Variants in EXT1 observed in about 807,000 individuals in gnomAD.
The protein encoded by EXT1 is exostosin glycosyltransferase 1.
EXT1 carries 20 observed loss-of-function variants against 82.5 expected under a neutral mutation model. The ratio of observed to expected loss-of-function variants is 0.24; its 90% CI spans 0.17 to 0.35. The LOEUF (loss-of-function observed/expected upper bound fraction) is 0.35. Ranked by LOEUF, EXT1 falls within the 10% of genes least tolerant of loss-of-function variation. The pLI, the probability that EXT1 is intolerant of heterozygous loss-of-function variation, is 1.00. For missense variants in EXT1, 757 were observed against 936.5 expected, an observed-to-expected ratio of 0.81 and a Z score of 2.50; for synonymous variants, 348 against 350.8, an observed-to-expected ratio of 0.99 and a Z score of 0.09.
intron 1 of EXT1, among the ~76,000 whole-genome samples, chr8:118,089,280 G>GA (rs1817481133): frequency 1.3e-5 from 2 of 152,046 alleles, no homozygotes; most frequent in South Asian, 4.1e-4. Context: ...TGAATATACA[G>GA]AAAAAGACTA....
chr8:118,011,779 A>C (rs1428398505), intron 1 of EXT1, among the ~76,000 whole-genome samples: 2 of 152,184 alleles, frequency 1.3e-5, no homozygotes, highest in Non-Finnish European at 2.9e-5. Context: ...TGTCTCCATG[A>C]CAAGCCGTTA....
intron 1 of EXT1, among the ~76,000 whole-genome samples, chr8:118,030,846 T>C (rs1449735514): frequency 6.6e-6 from 1 of 152,148 alleles, no homozygotes; most frequent in Non-Finnish European, 1.5e-5. Context: ...TTCCTGCTTT[T>C]CCCCTTCCAA....
intron 1 of EXT1, among the ~76,000 whole-genome samples, chr8:118,043,201 G>A (rs901798396): frequency 1.5e-4 from 23 of 152,142 alleles, no homozygotes; most frequent in African/African-American, 5.6e-4. Flanking sequence ...TCAGTTCTTT[G>A]AAGTGTGAAG....
intron 1 of EXT1, among the ~76,000 whole-genome samples, chr8:118,071,513 G>C (rs958364191): frequency 2.7e-5 from 4 of 149,208 alleles, no homozygotes; most frequent in African/African-American, 9.9e-5. Flanking sequence ...GATTACCATC[G>C]CAAAAGTAGT....
chr8:118,033,087 C>A (rs186384818), intron 1 of EXT1, among the ~76,000 whole-genome samples: 17 of 152,302 alleles, frequency 1.1e-4, no homozygotes, highest in Non-Finnish European at 1.8e-4. Flanking sequence ...CATTGCAATG[C>A]GCTAAATATG....
intron 6 of EXT1, among the ~76,000 whole-genome samples, chr8:117,819,268 C>T (rs1182494151): frequency 2.0e-5 from 3 of 152,176 alleles, no homozygotes; most frequent in Admixed American, 2.0e-4. Flanking sequence ...GAAAAGTTGA[C>T]ACTTCATGAC....
chr8:117,813,437 G>A (rs906519016), intron 7 of EXT1, among the ~76,000 whole-genome samples: 31 of 152,194 alleles, frequency 2.0e-4, no homozygotes, highest in African/African-American at 7.0e-4. Flanking sequence ...GGCAGATGCA[G>A]AGGCACTGAG....
chr8:117,946,144 C>T (rs779721657), intron 1 of EXT1, among the ~76,000 whole-genome samples: 2 of 152,178 alleles, frequency 1.3e-5, no homozygotes, highest in Admixed American at 1.3e-4. Context: ...GGTAATCTGC[C>T]CGCCTCGGCA....
intron 1 of EXT1, among the ~76,000 whole-genome samples, chr8:118,016,715 C>T (rs914222831): frequency 6.6e-6 from 1 of 152,202 alleles, no homozygotes; most frequent in Non-Finnish European, 1.5e-5. Flanking sequence ...GCAGAATGAA[C>T]AAGAAGCATG....
chr8:117,858,758 A>AGGCAGGCAGGCAGGC (rs1563581987), intron 1 of EXT1, among the ~76,000 whole-genome samples: 49 of 54,854 alleles, frequency 8.9e-4, no homozygotes, highest in Middle Eastern at 8.8e-3. Context: ...GGAAGGAAGG[A>AGGCAGGCAGGCAGGC]AGGAAGGAAG....
chr8:117,799,783 G>A lies in EXT1; in HGVS notation c.2170C>T (p.Leu724Phe). ...YMPLIHSQMR[L>F]DPVLFKDQVS... is the part of the protein sequence containing the mutation. ...TGGTCTTTAAAGAGGACGGGGTCGA[G>A]CCTCATCTGAGAGTGGATCAGCGGC... Residue 724 changes from leucine (L) to phenylalanine (F), a missense_variant, in exon 11 of 11, where the codon CTC (leucine) becomes TTC (phenylalanine). Around this residue, in one of 4 missense-constraint regions of EXT1, gnomAD observed 128 missense variants for 223.2 expected, o/e 0.57. Coordinates refer to ENST00000378204, the MANE Select transcript of EXT1 (RefSeq NM_000127.3). 7 of 1,614,176 alleles carry A rather than the reference G, an allele frequency of 4.3e-6. No homozygotes were observed. Among genetic ancestry groups the A allele is most frequent in the Non-Finnish European group, 5.1e-6 (6 of 1,180,036 alleles).
intron 1 of EXT1, among the ~76,000 whole-genome samples, chr8:118,101,665 G>C (rs1817720568): frequency 6.6e-6 from 1 of 152,226 alleles, no homozygotes; most frequent in Admixed American, 6.5e-5. Flanking sequence ...GGAGGATTTT[G>C]GCTGGAGAAA....
At chr8:117,846,446 A>G (rs1350045695) in intron 1 of EXT1, among the ~76,000 whole-genome samples, 1 of 151,774 alleles carries the variant, frequency 6.6e-6, no homozygotes, top group Non-Finnish European at 1.5e-5. Flanking sequence ...CACTTCCAAA[A>G]CTCTTCTCAG....
chr8:118,062,741 A>G (rs1229806786), intron 1 of EXT1, among the ~76,000 whole-genome samples: 2 of 152,222 alleles, frequency 1.3e-5, no homozygotes, highest in African/African-American at 2.4e-5. Flanking sequence ...GCTTTTAAAC[A>G]GGAAACTGGC....
rs775296591 is a variant in EXT1, at chr8:118,111,068, G to A, written c.-22C>T. 162 of 1,573,070 alleles carry A rather than the reference G, an allele frequency of 1.0e-4. No homozygotes were observed. The highest frequency in any genetic ancestry group is 1.4e-4 in the Non-Finnish European group (161 of 1,166,240). ...GCATGTGTCCTGCCTGGGTCAAGAG[G>A]ATTGTAAATAAACACAAGAATCACC... is the stretch of plus-strand genomic sequence containing the variant. On this transcript the variant is annotated 5_prime_UTR_variant, in exon 1 of 11. Coordinates refer to ENST00000378204, the MANE Select transcript of EXT1 (RefSeq NM_000127.3).
intron 1 of EXT1, among the ~76,000 whole-genome samples, chr8:118,026,398 C>G (rs1816202678): frequency 6.6e-6 from 1 of 152,108 alleles, no homozygotes; most frequent in Non-Finnish European, 1.5e-5. Context: ...GGCTCTTTTT[C>G]CTTTCAATTT....
At chr8:117,966,063 T>C (rs932803643) in intron 1 of EXT1, among the ~76,000 whole-genome samples, 1 of 152,108 alleles carries the variant, frequency 6.6e-6, no homozygotes, top group Admixed American at 6.6e-5. Context: ...TCACCTGTTT[T>C]GTTAGCCAAA....
At chr8:117,875,514 C>CCCTTCTAG (rs1385371624) in intron 1 of EXT1, among the ~76,000 whole-genome samples, 1 of 151,746 alleles carries the variant, frequency 6.6e-6, no homozygotes, top group East Asian at 1.9e-4. Flanking sequence ...TAGTATTTGC[C>CCCTTCTAG]CCTTCTAGCC....
At chr8:117,988,007 G>T (rs1299956850) in intron 1 of EXT1, among the ~76,000 whole-genome samples, 1 of 152,196 alleles carries the variant, frequency 6.6e-6, no homozygotes, top group Non-Finnish European at 1.5e-5. Context: ...AGGATCACCT[G>T]AGCCTGGAAA....
Sources: gnomAD v4.1 joint callset for allele counts (sites outside exome capture counted in the v4.1 genomes callset) on GRCh38, gnomAD v4.1.1 for gene constraint, gnomAD v4.1.1 regional missense constraint, MANE v1.5 for transcripts, NCBI Gene and HGNC (gene_info 2026-07-23, HGNC 2026-07-21) for gene names.